Variants in NKAIN3 observed in about 807,000 individuals in gnomAD.
NKAIN3 encodes the protein sodium/potassium-transporting ATPase subunit beta-1-interacting protein 3.
A neutral mutation model predicts 30.2 loss-of-function variants in NKAIN3; 25 were observed. The ratio of observed to expected loss-of-function variants is 0.83; its 90% CI spans 0.60 to 1.16. The LOEUF (loss-of-function observed/expected upper bound fraction) is 1.16. Ranked by LOEUF, NKAIN3 falls within the 50% of genes most tolerant of loss-of-function variation. NKAIN3 has a pLI of 0.00. For missense variants in NKAIN3, 225 were observed against 254.1 expected (o/e 0.89, Z 0.78); for synonymous variants, 91 against 89.6 (o/e 1.02, Z -0.09).
At chr8:62,472,020 A>C in intron 1 of NKAIN3, among the ~76,000 whole-genome samples, 1 of 108,262 alleles carries the variant, frequency 9.2e-6, no homozygotes, top group African/African-American at 3.4e-5. Context: ...GCAAGGCAAG[A>C]CTCTGTTTAA....
chr8:62,724,430 A>G (rs1172082018), intron 3 of NKAIN3, among the ~76,000 whole-genome samples: 1 of 152,086 alleles, frequency 6.6e-6, no homozygotes, highest in East Asian at 1.9e-4. Flanking sequence ...TACAAAAACT[A>G]TTGTTGACTG....
intron 1 of NKAIN3, among the ~76,000 whole-genome samples, chr8:62,448,166 T>C (rs932501751): frequency 1.3e-5 from 2 of 151,884 alleles, no homozygotes; most frequent in Non-Finnish European, 2.9e-5. Context: ...ATGTCTCAGA[T>C]GAGTTTTTTT....
intron 4 of NKAIN3, among the ~76,000 whole-genome samples, chr8:62,758,280 A>C (rs1048902274): frequency 6.6e-6 from 1 of 152,188 alleles, no homozygotes; most frequent in Non-Finnish European, 1.5e-5. Context: ...GTGACCCTAG[A>C]CCAAAAAACA....
rs550661308 is a variant in NKAIN3, at chr8:62,975,729, A to C, written c.*10322A>C. Among the ~76,000 whole-genome samples the C allele has an allele frequency of 3.6e-4, 54 of 152,104 alleles. No individual in the cohort carries two copies. Among genetic ancestry groups the C allele is most frequent in the African/African-American group, 1.3e-3 (54 of 41,520 alleles). ...TGAAATAGTCTGCTCTTGTTTCTTT[A>C]ATTCTTTTAATTGTGATGTTAGCGT... On this transcript the variant is annotated 3_prime_UTR_variant, in exon 7 of 7. Coordinates refer to ENST00000623646, the MANE Select transcript of NKAIN3 (RefSeq NM_001304533.3).
intron 1 of NKAIN3, among the ~76,000 whole-genome samples, chr8:62,318,547 A>T (rs1814745457): frequency 6.7e-6 from 1 of 150,206 alleles, no homozygotes; most frequent in Non-Finnish European, 1.5e-5. Context: ...TCATCTATTG[A>T]GATAATCATG....
chr8:62,384,916 T>C (rs1817379735), intron 1 of NKAIN3, among the ~76,000 whole-genome samples: 1 of 152,160 alleles, frequency 6.6e-6, no homozygotes, highest in South Asian at 2.1e-4. Context: ...TAGTTTGTTG[T>C]AAAAAATTTA....
rs1820122121 is a variant in NKAIN3, at chr8:62,858,212, C to T, written c.472-60241C>T. ...GAAGTCTGCGAAATAGCAAAGATGG[C>T]AGCCTGCCCCTTCCTCTGGAAGCTC... On this transcript the variant is annotated intron_variant, in intron 4 of 6. Coordinates refer to ENST00000623646, the MANE Select transcript of NKAIN3 (RefSeq NM_001304533.3). 2.0e-5 allele frequency among the ~76,000 whole-genome samples: 3 copies of T among 152,194 alleles called. No homozygotes were observed. The South Asian group carries it at 6.2e-4, about 32-fold the overall frequency.
chr8:62,579,767 A>G, intron 2 of NKAIN3, 91 bp downstream of exon 2: 1 of 688,510 alleles, frequency 1.5e-6, no homozygotes, highest in Non-Finnish European at 2.1e-6. Context: ...GCCCCTTCTG[A>G]TATAATGTGG....
At chr8:62,674,396 A>G (rs546203261) in intron 3 of NKAIN3, among the ~76,000 whole-genome samples, 20 of 152,296 alleles carry the variant, frequency 1.3e-4, no homozygotes, top group Non-Finnish European at 2.5e-4. Context: ...ATTTTTGCAA[A>G]CATCCACCAT....
chr8:62,968,829 A>G lies in NKAIN3; in HGVS notation c.*3422A>G, dbSNP rs1823772607. On this transcript the variant is annotated 3_prime_UTR_variant, in exon 7 of 7. Coordinates refer to ENST00000623646, the MANE Select transcript of NKAIN3 (RefSeq NM_001304533.3). ...AGGAAGCTGGGATGCTTTCGAGCTT[A>G]CTTTTTCTTTATTTGAGCTTCTGGT... 6.9e-6 allele frequency among the ~76,000 whole-genome samples: 1 copy of G among 145,362 alleles called. No individual in the cohort carries two copies. Among genetic ancestry groups the G allele is most frequent in the Non-Finnish European group, 1.6e-5 (1 of 63,978 alleles).
chr8:62,491,457 C>T (rs1807062946), intron 1 of NKAIN3, among the ~76,000 whole-genome samples: 2 of 152,096 alleles, frequency 1.3e-5, no homozygotes, highest in African/African-American at 2.4e-5. Flanking sequence ...TCAAACTAGC[C>T]CCCACATGTG....
At chr8:62,609,071 A>G (rs1002402709) in intron 3 of NKAIN3, among the ~76,000 whole-genome samples, 3 of 152,114 alleles carry the variant, frequency 2.0e-5, no homozygotes, top group African/African-American at 7.2e-5. Context: ...ATAGGTTTAC[A>G]CCTGAGCAGC....
chr8:62,729,052 A>AAAAAAAAAAAAAAAC (rs1815382295), intron 3 of NKAIN3, among the ~76,000 whole-genome samples: 1 of 138,384 alleles, frequency 7.2e-6, no homozygotes. Context: ...AAAAAAAAAA[A>AAAAAAAAAAAAAAAC]CCTCCTGCTC....
intron 1 of NKAIN3, among the ~76,000 whole-genome samples, chr8:62,368,511 A>G (rs1332231912): frequency 6.6e-6 from 1 of 151,090 alleles, no homozygotes; most frequent in East Asian, 2.0e-4. Context: ...GAAAGTTGTC[A>G]GAATCAAAAT....
chr8:62,909,426 G>A (rs983842022), intron 4 of NKAIN3, among the ~76,000 whole-genome samples: 3 of 152,122 alleles, frequency 2.0e-5, no homozygotes, highest in East Asian at 1.9e-4. Context: ...TCTTTAAAAT[G>A]AATGACTCTT....
chr8:62,511,159 C>T (rs561714215), intron 1 of NKAIN3, among the ~76,000 whole-genome samples: 1 of 152,312 alleles, frequency 6.6e-6, no homozygotes, highest in Admixed American at 6.5e-5. Flanking sequence ...TCCCCACACC[C>T]TGGAATTCCA....
At chr8:62,880,605 A>G (rs1282102309) in intron 4 of NKAIN3, among the ~76,000 whole-genome samples, 1 of 152,224 alleles carries the variant, frequency 6.6e-6, no homozygotes, top group African/African-American at 2.4e-5. Flanking sequence ...TCCCTTAAAA[A>G]AATGGAATTT....
rs866436446 is a variant in NKAIN3, at chr8:62,274,865, G to T, written c.54+25738G>T. 7.6e-4 allele frequency among the ~76,000 whole-genome samples: 115 copies of T among 151,602 alleles called. No homozygotes were observed. The Middle Eastern group carries it at 0.021, about 27-fold the overall frequency. On this transcript the variant is annotated intron_variant, in intron 1 of 6. Coordinates refer to ENST00000623646, the MANE Select transcript of NKAIN3 (RefSeq NM_001304533.3). ...GCAGTGTTTGGTTTTTTGTCCTTGC[G>T]ATAGTTTGCTGAGAATGATGGTTTC...
chr8:62,602,502 C>T (rs1811009952), intron 3 of NKAIN3, among the ~76,000 whole-genome samples: 1 of 151,972 alleles, frequency 6.6e-6, no homozygotes, highest in Non-Finnish European at 1.5e-5. Flanking sequence ...AATCTTCTGC[C>T]CCAAACCCTC....
Sources: allele counts gnomAD v4.1 joint callset (sites outside exome capture counted in the v4.1 genomes callset), GRCh38; gene constraint gnomAD v4.1.1; transcripts MANE v1.5; gene names NCBI Gene and HGNC (gene_info 2026-07-23, HGNC 2026-07-21).